Variants in RORA observed in about 807,000 individuals in gnomAD.
RORA encodes the protein nuclear receptor ROR-alpha.
A neutral mutation model predicts 69.5 loss-of-function variants in RORA; 7 were observed. That is an observed-to-expected ratio of 0.10 (90% CI 0.06 to 0.19). The LOEUF is 0.19. Ranked by LOEUF, RORA falls within the 10% of genes least tolerant of loss-of-function variation. The pLI is 1.00. For synonymous variants in RORA, 261 were observed against 240.8 expected, an observed-to-expected ratio of 1.08 and a Z score of -0.78; for missense variants, 457 against 663.0, an observed-to-expected ratio of 0.69 and a Z score of 3.41.
At chr15:61,113,461 G>T (rs1217220881) in intron 1 of RORA, among the ~76,000 whole-genome samples, 1 of 152,106 alleles carries the variant, frequency 6.6e-6, no homozygotes, top group Non-Finnish European at 1.5e-5. Flanking sequence ...ACATTCTTTG[G>T]CTCAGCAGGA....
chr15:60,809,587 T>A (rs1287655004), intron 1 of RORA, among the ~76,000 whole-genome samples: 1 of 152,132 alleles, frequency 6.6e-6, no homozygotes. Context: ...CGACGGAAGA[T>A]GAGGTTTTTG....
chr15:60,966,490 C>T (rs1370347947), intron 1 of RORA, among the ~76,000 whole-genome samples: 1 of 152,208 alleles, frequency 6.6e-6, no homozygotes, highest in Non-Finnish European at 1.5e-5. Flanking sequence ...AATTTGTAAG[C>T]TCCAAGAAAG....
At chr15:60,848,467 A>C (rs2073290384) in intron 1 of RORA, 1 of 152,312 alleles carries the variant, frequency 6.6e-6, no homozygotes, top group African/African-American at 2.4e-5. Context: ...CAAGGAATGC[A>C]GGTGGCTTCC....
intron 1 of RORA, among the ~76,000 whole-genome samples, chr15:60,881,155 T>C (rs771277178): frequency 6.6e-6 from 1 of 152,234 alleles, no homozygotes; most frequent in Non-Finnish European, 1.5e-5. Context: ...GCTGCACCTT[T>C]CTTATTGTCA....
At chr15:60,969,321 G>A (rs569159672) in intron 1 of RORA, among the ~76,000 whole-genome samples, 2 of 152,228 alleles carry the variant, frequency 1.3e-5, no homozygotes, top group East Asian at 3.9e-4. Flanking sequence ...GGAAATCATG[G>A]TTTCCTATTT....
intron 1 of RORA, among the ~76,000 whole-genome samples, chr15:60,932,354 G>A (rs976887895): frequency 1.3e-5 from 2 of 152,150 alleles, no homozygotes; most frequent in Non-Finnish European, 2.9e-5. Context: ...CCGTCCTAAA[G>A]AGAAACCATT....
At chr15:60,563,947 G>A (rs1390060541) in intron 2 of RORA, among the ~76,000 whole-genome samples, 3 of 152,124 alleles carry the variant, frequency 2.0e-5, no homozygotes, top group Admixed American at 6.5e-5. Flanking sequence ...CCACAGACCT[G>A]CATGCGGCTT....
chr15:60,878,102 G>A lies in RORA; in HGVS notation c.167-199416C>T, dbSNP rs567344636. Among the ~76,000 whole-genome samples, 5 of 149,242 alleles carry A rather than the reference G, an allele frequency of 3.4e-5. No individual in the cohort carries two copies. In the East Asian group the frequency reaches 5.9e-4, roughly 18 times the overall value. ...ATCACTTTGGGAAGCCGAGGTGGGCGGATCACGAGGTCAGGAGATCGATGC... is the reference window on the plus strand; with the variant it reads ...ATCACTTTGGGAAGCCGAGGTGGGCAGATCACGAGGTCAGGAGATCGATGC... On this transcript the variant is annotated intron_variant, in intron 1 of 10. Coordinates refer to ENST00000335670, the MANE Select transcript of RORA (RefSeq NM_134261.3).
intron 1 of RORA, among the ~76,000 whole-genome samples, chr15:61,219,493 T>C (rs2080074529): frequency 2.0e-5 from 3 of 152,128 alleles, no homozygotes; most frequent in Admixed American, 1.3e-4. Context: ...GAGAATGGCG[T>C]GAACCCAGGA....
rs2070850816 is a variant in RORA, at chr15:60,692,983, C to CA, written c.167-14298dup. On this transcript the variant is annotated intron_variant, in intron 1 of 10. Transcript: ENST00000335670. ...GCATCATCCTGATACCGAAACCTGG[C>CA]AAAAATACAACAAAAAAAGAAAACT... 2.0e-5 allele frequency among the ~76,000 whole-genome samples: 3 copies of CA among 152,124 alleles called. No homozygotes were observed. The South Asian group carries it at 6.2e-4, about 32-fold the overall frequency.
At chr15:61,044,201 T>G (rs1595911374) in intron 1 of RORA, among the ~76,000 whole-genome samples, 1 of 152,326 alleles carries the variant, frequency 6.6e-6, no homozygotes, top group Middle Eastern at 3.4e-3. Context: ...TCATTTTTCC[T>G]CAAGGGGATG....
intron 1 of RORA, among the ~76,000 whole-genome samples, chr15:61,134,632 G>T (rs1178919361): frequency 1.3e-5 from 2 of 152,154 alleles, no homozygotes; most frequent in African/African-American, 4.8e-5. Context: ...GTCCAATGTT[G>T]ATTTATTCAA....
chr15:60,866,802 C>T (rs2073492749), intron 1 of RORA, among the ~76,000 whole-genome samples: 1 of 147,578 alleles, frequency 6.8e-6, no homozygotes, highest in Admixed American at 6.8e-5. Flanking sequence ...CTGGGTGTTC[C>T]TGAGTTGTAT....
intron 1 of RORA, among the ~76,000 whole-genome samples, chr15:60,803,932 T>C (rs951047746): frequency 6.6e-6 from 1 of 152,164 alleles, no homozygotes; most frequent in African/African-American, 2.4e-5. Flanking sequence ...TTTCTCTCTT[T>C]CACTGTCTCT....
At chr15:61,011,083 G>T (rs1895072287) in intron 1 of RORA, among the ~76,000 whole-genome samples, 1 of 152,208 alleles carries the variant, frequency 6.6e-6, no homozygotes, top group South Asian at 2.1e-4. Context: ...AAAGGCAGAG[G>T]TAGGAACTGA....
At position 61,224,062 on chromosome 15, in the gene RORA, T is replaced by C. The variant is rs1009128596; in HGVS notation, c.166+4991A>G. On this transcript the variant is annotated intron_variant, in intron 1 of 10. Transcript: ENST00000335670. ...AGAGAAAATGAGAGACAGAGAGTAT[T>C]ATTCCTAAATTTTGAGTAAGGAAGA... is the stretch of plus-strand genomic sequence containing the variant. Among the ~76,000 whole-genome samples, 3 of 151,766 alleles carry C rather than the reference T, an allele frequency of 2.0e-5. No homozygotes were observed. The East Asian group carries it at 5.8e-4, about 29-fold the overall frequency.
At chr15:60,908,255 C>T (rs547063136) in intron 1 of RORA, among the ~76,000 whole-genome samples, 12 of 152,272 alleles carry the variant, frequency 7.9e-5, no homozygotes, top group East Asian at 5.8e-4. Context: ...GTGGAGGGGG[C>T]GCTTTTGGTG....
intron 5 of RORA, chr15:60,510,509 C>T (rs1216638048): frequency 6.6e-6 from 1 of 152,144 alleles, no homozygotes; most frequent in African/African-American, 2.4e-5. Flanking sequence ...ATTTTGTCAC[C>T]AATATCCATC....
Position 60,955,837 on chromosome 15 carries a change from G to A in RORA, c.166+273216C>T, listed in dbSNP as rs952104317. Among the ~76,000 whole-genome samples, 36 of 152,054 alleles carry A rather than the reference G, an allele frequency of 2.4e-4. 1 individual carries two copies. Among genetic ancestry groups the A allele is most frequent in the East Asian group, 3.8e-4 (2 of 5,202 alleles). On this transcript the variant is annotated intron_variant, in intron 1 of 10. Coordinates refer to ENST00000335670, the MANE Select transcript of RORA (RefSeq NM_134261.3). ...CTTGCTGCTTTCCAACATTTTTTTA[G>A]TTTATCCATTTTGTGTATTCCACTG...
Sources: allele counts gnomAD v4.1 joint callset (sites outside exome capture counted in the v4.1 genomes callset), GRCh38; gene constraint gnomAD v4.1.1; transcripts MANE v1.5; gene names NCBI Gene and HGNC (gene_info 2026-07-23, HGNC 2026-07-21).